DAP: variants seen among roughly 807,000 people sequenced by gnomAD.
The protein encoded by DAP is death associated protein, also known as death-associated protein 1.
Under a neutral mutation model 13.8 loss-of-function variants are expected in DAP, and 8 were observed. That is an observed-to-expected ratio of 0.58 (90% confidence interval 0.34 to 1.05). The LOEUF (loss-of-function observed/expected upper bound fraction) is 1.05. Ranked by LOEUF, DAP falls within the 50% of genes least tolerant of loss-of-function variation. The probability of loss-of-function intolerance (pLI) is 0.03; values close to 1 mark genes in which losing one functional copy is unlikely to be tolerated. For missense variants in DAP, 106 were observed against 133.2 expected, an observed-to-expected ratio of 0.80 and a Z score of 1.01; for synonymous variants, 47 against 47.5, an observed-to-expected ratio of 0.99 and a Z score of 0.04.
chr5:10,742,875 C>T (rs1012510273), intron 2 of DAP, among the ~76,000 whole-genome samples: 2 of 152,144 alleles, frequency 1.3e-5, no homozygotes, highest in Non-Finnish European at 2.9e-5. Flanking sequence ...GACACTAACC[C>T]TCTCATCCAT....
Position 10,719,553 on chromosome 5 carries a change from A to C in DAP, c.152+28622T>G, listed in dbSNP as rs1056057380. Among the ~76,000 whole-genome samples, 3 of 152,304 alleles carry C rather than the reference A, an allele frequency of 2.0e-5. No homozygotes were observed. The South Asian group carries it at 6.2e-4, about 32-fold the overall frequency. ...TGTTACTGGGCTTTGGTGGAAACTG[A>C]ACATTTGACTATGGGTCATGAAGTC... On this transcript the variant is annotated intron_variant, in intron 2 of 3. Transcript: ENST00000230895.
intron 2 of DAP, among the ~76,000 whole-genome samples, chr5:10,695,968 G>A (rs912254803): frequency 6.6e-6 from 1 of 152,024 alleles, no homozygotes; most frequent in South Asian, 2.1e-4. Flanking sequence ...TCTGCATGTA[G>A]TGTGAAAGCC....
intron 2 of DAP, among the ~76,000 whole-genome samples, chr5:10,724,586 A>C (rs2126661597): frequency 6.6e-6 from 1 of 152,342 alleles, no homozygotes; most frequent in Middle Eastern, 3.4e-3. Context: ...CACACATTTC[A>C]GGTAGACCAG....
chr5:10,680,745 G>A lies in DAP; in HGVS notation c.*311C>T. ...TTCTTGTTTTTAAGACCATAGACAA[G>A]GACGTCAGGTGACTGCTGAAATAGA... On this transcript the variant is annotated 3_prime_UTR_variant, in exon 4 of 4. Transcript: ENST00000230895. 1.3e-6 allele frequency: 2 copies of A among 1,536,366 alleles called. No individual in the cohort carries two copies. The highest frequency in any genetic ancestry group is 1.7e-6 in the Non-Finnish European group (2 of 1,146,922).
chr5:10,720,345 G>C lies in DAP; in HGVS notation c.152+27830C>G, dbSNP rs558734632. 5.9e-5 allele frequency among the ~76,000 whole-genome samples: 9 copies of C among 152,270 alleles called. No individual in the cohort carries two copies. The South Asian group carries it at 1.7e-3, about 28-fold the overall frequency. ...GGTCAGAAAGCACCCTGGATGGCTA[G>C]GGACTTCAAAGAAGCATGATTGGAA... On this transcript the variant is annotated intron_variant, in intron 2 of 3. Coordinates refer to ENST00000230895, the MANE Select transcript of DAP (RefSeq NM_004394.3).
rs1189083876 is a variant in DAP at position 10,758,383 on chromosome 5, TTTGAGGGGTG to T, written c.55+2621_55+2630del. On this transcript the variant is annotated intron_variant, in intron 1 of 3. Transcript: ENST00000230895. Reference sequence around the variant, plus strand: ...TGGCATCTGAGGGGTGCTGTTGGCATTTGAGGGGTGCTGTTGGCATTTGAGGGGTGCTGTT... The same window carrying T: ...TGGCATCTGAGGGGTGCTGTTGGCATCTGTTGGCATTTGAGGGGTGCTGTT... 3.1e-3 allele frequency among the ~76,000 whole-genome samples: 126 copies of T among 41,156 alleles called. 1 individual carries two copies. Among genetic ancestry groups the T allele is most frequent in the Non-Finnish European group, 5.9e-3 (56 of 9,432 alleles). 27.0% of individuals were successfully genotyped at this position (41,156 alleles called of 152,430 possible).
chr5:10,747,539 C>T (rs979138142), intron 2 of DAP, among the ~76,000 whole-genome samples: 2 of 152,240 alleles, frequency 1.3e-5, no homozygotes, highest in Admixed American at 6.5e-5. Flanking sequence ...GCCCCAGCTA[C>T]ACAGACAGCC....
At chr5:10,697,989 G>A (rs973447854) in intron 2 of DAP, among the ~76,000 whole-genome samples, 2 of 152,138 alleles carry the variant, frequency 1.3e-5, no homozygotes, top group Non-Finnish European at 2.9e-5. Flanking sequence ...TGAGAACCAC[G>A]CACAGTGTGG....
intron 2 of DAP, among the ~76,000 whole-genome samples, chr5:10,714,361 C>T (rs1371461014): frequency 6.6e-6 from 1 of 152,166 alleles, no homozygotes; most frequent in Non-Finnish European, 1.5e-5. Flanking sequence ...ATATCACATT[C>T]CTGTTGTTGC....
chr5:10,733,683 A>G (rs1053425029), intron 2 of DAP: 1 of 152,254 alleles, frequency 6.6e-6, no homozygotes, highest in East Asian at 1.9e-4. Context: ...AGAGAAGGGA[A>G]GGCCCAACAG....
At chr5:10,703,483 A>G (rs1300891375) in intron 2 of DAP, among the ~76,000 whole-genome samples, 1 of 152,232 alleles carries the variant, frequency 6.6e-6, no homozygotes, top group Non-Finnish European at 1.5e-5. Flanking sequence ...ACAACTGTGC[A>G]GGATTCTATT....
At chr5:10,749,712 C>T (rs1739998893) in intron 1 of DAP, among the ~76,000 whole-genome samples, 2 of 151,730 alleles carry the variant, frequency 1.3e-5, no homozygotes, top group South Asian at 4.2e-4. Context: ...ATACAGCTTG[C>T]CAGCTCTCCC....
intron 2 of DAP, among the ~76,000 whole-genome samples, chr5:10,713,339 T>C (rs907418182): frequency 6.6e-6 from 1 of 152,136 alleles, no homozygotes; most frequent in Non-Finnish European, 1.5e-5. Flanking sequence ...AGCAGTTCCT[T>C]GTGGGAGTTA....
chr5:10,681,265 GA>G (rs1737985092), intron 3 of DAP, 96 bp from the exon 4 acceptor site: 6 of 948,538 alleles, frequency 6.3e-6, no homozygotes, highest in Admixed American at 3.0e-5. Context: ...CGTCCCTGCG[GA>G]AGGATAGCAA....
At chr5:10,731,309 C>A (rs565238516) in intron 2 of DAP, among the ~76,000 whole-genome samples, 35 of 151,902 alleles carry the variant, frequency 2.3e-4, no homozygotes, top group African/African-American at 8.2e-4. Context: ...GAGAATCTTT[C>A]TCTACTGAGA....
At chr5:10,732,012 G>A (rs1183132113) in intron 2 of DAP, among the ~76,000 whole-genome samples, 1 of 152,194 alleles carries the variant, frequency 6.6e-6, no homozygotes. Flanking sequence ...GGCTGCATGA[G>A]ATGCCTCTCT....
chr5:10,746,216 G>A (rs1253860955), intron 2 of DAP, among the ~76,000 whole-genome samples: 14 of 152,068 alleles, frequency 9.2e-5, no homozygotes, highest in Admixed American at 1.3e-4. Context: ...ACGTCGGGCC[G>A]CAAGTCCTAC....
intron 2 of DAP, among the ~76,000 whole-genome samples, chr5:10,744,511 G>A (rs565101720): frequency 2.0e-4 from 30 of 152,272 alleles, no homozygotes; most frequent in Middle Eastern, 6.8e-3. Flanking sequence ...TTTGAGGAGC[G>A]CAGACAAGGT....
intron 2 of DAP, among the ~76,000 whole-genome samples, chr5:10,688,973 A>G (rs752002078): frequency 8.5e-5 from 13 of 152,134 alleles, no homozygotes; most frequent in Non-Finnish European, 1.5e-4. Context: ...CCCTGTGTGC[A>G]CTGAGGACGG....
Sources: allele counts gnomAD v4.1 joint callset (sites outside exome capture counted in the v4.1 genomes callset), GRCh38; gene constraint gnomAD v4.1.1; transcripts MANE v1.5; gene names NCBI Gene and HGNC (gene_info 2026-07-23, HGNC 2026-07-21).